The following UNKL variants were observed in gnomAD, a reference collection of about 807,000 sequenced individuals.
UNKL encodes the protein putative E3 ubiquitin-protein ligase UNKL.
In UNKL, 60 loss-of-function variants were observed where a neutral mutation model predicts 78.0. The ratio of observed to expected loss-of-function variants is 0.77; its 90% CI spans 0.63 to 0.95. The LOEUF (loss-of-function observed/expected upper bound fraction) is 0.95, where lower values mean the gene tolerates loss of function less well. Among genes scored for constraint, UNKL ranks in the 40% least tolerant of loss-of-function variants. The pLI is 0.00. For missense variants in UNKL, 1,159 were observed against 1,045.7 expected, an observed-to-expected ratio of 1.11 and a Z score of -1.49; for synonymous variants, 608 against 474.8, an observed-to-expected ratio of 1.28 and a Z score of -3.65.
chr16:1,368,087 T>C, intron 12 of UNKL: 1 of 580,328 alleles, frequency 1.7e-6, no homozygotes, highest in Non-Finnish European at 3.1e-6. Flanking sequence ...CCCCACCAGA[T>C]CTACGCCTTC....
At chr16:1,404,122 G>A (rs932721269) in intron 2 of UNKL, among the ~76,000 whole-genome samples, 1 of 148,544 alleles carries the variant, frequency 6.7e-6, no homozygotes, top group Non-Finnish European at 1.5e-5. Flanking sequence ...TCCAGAAGGA[G>A]GCAAAGGGAC....
In UNKL at chr16:1,397,240, A is replaced by T; in HGVS notation, c.790T>A (p.Cys264Ser). The T allele has an allele frequency of 6.5e-7, 1 of 1,543,614 alleles. No homozygotes were observed. Among genetic ancestry groups the T allele is most frequent in the Non-Finnish European group, 8.7e-7 (1 of 1,146,922 alleles). ...HGDEWGEPSRCDGGDGCQYCH... is the reference protein window; with the variant it reads ...HGDEWGEPSRSDGGDGCQYCH... ...TACTGGCAGCCGTCGCCGCCATCGCAGCGTGAGGGTTCCCCCCACTCATCC... is the reference window on the plus strand; with the variant it reads ...TACTGGCAGCCGTCGCCGCCATCGCTGCGTGAGGGTTCCCCCCACTCATCC... The change falls in exon 6 of 15, where the codon TGC (cysteine) becomes AGC (serine). Residue 264 changes from cysteine to serine, a missense_variant. By Grantham distance (112) the Cys-to-Ser change is moderately radical (BLOSUM62 -1). Coordinates refer to ENST00000389221, the MANE Select transcript of UNKL (RefSeq NM_001372107.1).
At position 1,367,360 on chromosome 16, in the gene UNKL, G is replaced by A. The variant is rs768088353; in HGVS notation, c.1789-11C>T. ...CCAGGCATCGCAGACCTGAAACCCAGGGCCCGTCTCAGCACCCCCCACCTC... is the reference window on the plus strand; with the variant it reads ...CCAGGCATCGCAGACCTGAAACCCAAGGCCCGTCTCAGCACCCCCCACCTC... On this transcript the variant is annotated splice_polypyrimidine_tract_variant and intron_variant, in intron 13 of 14. Transcript: ENST00000389221. 24 of 1,534,168 alleles carry A rather than the reference G, an allele frequency of 1.6e-5. No homozygotes were observed. The Admixed American group carries it at 3.9e-4, about 25-fold the overall frequency.
At chr16:1,395,685 T>C (rs1486203310) in intron 6 of UNKL, 1 of 456,364 alleles carries the variant, frequency 2.2e-6, no homozygotes, top group Non-Finnish European at 4.4e-6. Context: ...TCCCTCAGGA[T>C]TTATGGTGCG....
At chr16:1,395,557 C>A in intron 6 of UNKL, 1 of 399,574 alleles carries the variant, frequency 2.5e-6, no homozygotes, top group South Asian at 1.8e-5. Context: ...ATACCCTGCA[C>A]CTTCTAGTGG....
At chr16:1,401,919 A>G (rs1450127261) in intron 3 of UNKL, among the ~76,000 whole-genome samples, 8 of 152,140 alleles carry the variant, frequency 5.3e-5, no homozygotes, top group Admixed American at 5.2e-4. Context: ...CTTGTTTGAG[A>G]CAGGGTCTGG....
chr16:1,379,570 A>T (rs2036498562), intron 10 of UNKL: 1 of 985,102 alleles, frequency 1.0e-6, no homozygotes. Flanking sequence ...CCCGCTCCTG[A>T]CCGCCGAGTA....
intron 5 of UNKL, chr16:1,398,679 G>GCCCCCCCCCCCC: frequency 1.5e-6 from 2 of 1,356,380 alleles, no homozygotes; most frequent in Admixed American, 3.1e-5. Flanking sequence ...TGTGGGGTCT[G>GCCCCCCCCCCCC]CACCCCCCCA....
intron 10 of UNKL, among the ~76,000 whole-genome samples, chr16:1,378,333 C>T (rs888926746): frequency 3.9e-5 from 6 of 152,222 alleles, no homozygotes; most frequent in African/African-American, 9.6e-5. Flanking sequence ...CAGCCAGGCT[C>T]GGGAACCTGG....
chr16:1,401,404 C>T, intron 4 of UNKL, 164 bp downstream of exon 4: 1 of 901,820 alleles, frequency 1.1e-6, no homozygotes, highest in Non-Finnish European at 1.5e-6. Context: ...TCGGCACCCA[C>T]CCCCTGTTGG....
intron 5 of UNKL, among the ~76,000 whole-genome samples, chr16:1,398,059 G>A (rs893621912): frequency 2.6e-5 from 4 of 152,254 alleles, no homozygotes; most frequent in Non-Finnish European, 4.4e-5. Flanking sequence ...CGTGGAGAAC[G>A]CAGGGGAGAA....
chr16:1,383,880 C>T (rs759372059), intron 10 of UNKL: 22 of 415,750 alleles, frequency 5.3e-5, no homozygotes, highest in East Asian at 2.2e-4. Context: ...CCAGCTCCCC[C>T]GCCACACCCT....
intron 2 of UNKL, among the ~76,000 whole-genome samples, chr16:1,406,702 C>G (rs182381863): frequency 6.6e-6 from 1 of 152,160 alleles, no homozygotes; most frequent in South Asian, 2.1e-4. Context: ...CTCTTGCTCC[C>G]AAAGCCCAAG....
rs2035689712 is a variant in UNKL at position 1,370,226 on chromosome 16, C to G, written c.1489G>C (p.Val497Leu). The change falls in exon 12 of 15, where the codon GTG becomes CTG. Residue 497 changes from valine (V) to leucine (L), a missense_variant. Coordinates refer to ENST00000389221, the MANE Select transcript of UNKL (RefSeq NM_001372107.1). ...GGAGGCGTCATGGCTGAGGAGCCCA[C>G]CGGCCCTGGGAGGGGCTGGGACAGC... ...GSLSQPLPGP[V>L]GSSAMTPPQQ... 1 of 1,530,668 alleles carries G rather than the reference C, an allele frequency of 6.5e-7. No homozygotes were observed. Among genetic ancestry groups the G allele is most frequent in the African/African-American group, 1.4e-5 (1 of 72,792 alleles). 94.8% of individuals were successfully genotyped at this position (1,530,668 alleles called of 1,614,324 possible). A position where few individuals can be genotyped will look rare whatever the true frequency, so the allele number is the denominator to read the frequency against.
At chr16:1,385,517 C>T (rs768169905) in intron 9 of UNKL, 132 bp from the exon 10 acceptor site, 62 of 959,246 alleles carry the variant, frequency 6.5e-5, no homozygotes, top group Non-Finnish European at 7.7e-5. Flanking sequence ...GGGAGAGCTT[C>T]CCAGACCCGG....
intron 9 of UNKL, among the ~76,000 whole-genome samples, chr16:1,389,394 T>C (rs890005523): frequency 1.3e-5 from 2 of 152,144 alleles, no homozygotes; most frequent in Non-Finnish European, 2.9e-5. Flanking sequence ...GAGAACAGGC[T>C]GGGCAACCCC....
At chr16:1,366,782 G>C (rs754729873) in intron 14 of UNKL, among the ~76,000 whole-genome samples, 1 of 152,176 alleles carries the variant, frequency 6.6e-6, no homozygotes, top group African/African-American at 2.4e-5. Flanking sequence ...AAGTGGAGGG[G>C]TCATGTGTGA....
Position 1,366,230 on chromosome 16 carries a change from C to A in UNKL, c.*10G>T. 1.3e-6 allele frequency: 2 copies of A among 1,520,320 alleles called. No individual in the cohort carries two copies. The highest frequency in any genetic ancestry group is 8.9e-7 in the Non-Finnish European group (1 of 1,127,820). The allele number at this position is 1,520,320 out of a possible 1,614,324, so 94.2% of individuals were successfully genotyped here. A position where few individuals can be genotyped will look rare whatever the true frequency, so the allele number is the denominator to read the frequency against. ...GGGTGCCCAGCAGGAGGTGGCTGTC[C>A]CCGCTGAGGTCACCACTGCAGGGGC... On this transcript the variant is annotated 3_prime_UTR_variant, in exon 15 of 15. Transcript: ENST00000389221.
chr16:1,389,279 G>A (rs1275499909), intron 9 of UNKL, among the ~76,000 whole-genome samples: 1 of 152,212 alleles, frequency 6.6e-6, no homozygotes, highest in Non-Finnish European at 1.5e-5. Context: ...CCTGTGAGGA[G>A]TAATTAAGGT....
Sources: gnomAD v4.1 joint callset for allele counts (sites outside exome capture counted in the v4.1 genomes callset) on GRCh38, gnomAD v4.1.1 for gene constraint, MANE v1.5 for transcripts, NCBI Gene and HGNC (gene_info 2026-07-23, HGNC 2026-07-21) for gene names.